The following COL21A1 variants were observed in gnomAD, a reference collection of about 807,000 sequenced individuals.
COL21A1 encodes the protein collagen alpha-1(XXI) chain.
A neutral mutation model predicts 137.9 loss-of-function variants in COL21A1; 149 were observed. That is an observed-to-expected ratio of 1.08 (90% confidence interval 0.95 to 1.24). The LOEUF (loss-of-function observed/expected upper bound fraction) is 1.24. Ranked by LOEUF, COL21A1 falls within the 50% of genes most tolerant of loss-of-function variation. The pLI, the probability that COL21A1 is intolerant of heterozygous loss-of-function variation, is 0.00. For missense variants in COL21A1, 1,167 were observed against 1,158.4 expected (o/e 1.01, Z -0.11); for synonymous variants, 456 against 391.5 (o/e 1.16, Z -1.95).
At chr6:56,301,600 C>T (rs963824075) in intron 1 of COL21A1, among the ~76,000 whole-genome samples, 3 of 152,228 alleles carry the variant, frequency 2.0e-5, no homozygotes, top group Admixed American at 2.0e-4. Flanking sequence ...ACAGTTTTCT[C>T]AAAGGGAAGA....
intron 1 of COL21A1, among the ~76,000 whole-genome samples, chr6:56,279,686 C>A (rs556486947): frequency 1.4e-3 from 216 of 152,288 alleles, no homozygotes; most frequent in African/African-American, 5.1e-3. Context: ...AAGTGAGGTG[C>A]TTAAATGAGT....
chr6:56,067,371 T>C (rs1766359560), intron 22 of COL21A1, 41 bp from the exon 23 acceptor site: 1 of 1,537,290 alleles, frequency 6.5e-7, no homozygotes, highest in Non-Finnish European at 8.9e-7. Flanking sequence ...ATCTAGCATA[T>C]TCTGTACAGT....
At chr6:56,116,396 TAAAAAAAAAAAAAAAA>T (rs370697652) in intron 16 of COL21A1, among the ~76,000 whole-genome samples, 6 of 90,834 alleles carry the variant, frequency 6.6e-5, no homozygotes, top group African/African-American at 2.6e-4. Flanking sequence ...GTGCCAAAGG[TAAAAAAAAAAAAAAAA>T]AAAAAAAAAA....
chr6:56,278,387 G>C (rs191066070), intron 1 of COL21A1, among the ~76,000 whole-genome samples: 27 of 152,228 alleles, frequency 1.8e-4, no homozygotes, highest in Admixed American at 1.8e-3. Context: ...GGGGGTTGAA[G>C]AGGAGAGAAA....
intron 9 of COL21A1, among the ~76,000 whole-genome samples, chr6:56,159,301 C>G (rs1776016453): frequency 1.3e-5 from 2 of 150,940 alleles, no homozygotes; most frequent in Non-Finnish European, 2.9e-5. Flanking sequence ...TCATTTATCA[C>G]TTGGATTGAG....
intron 1 of COL21A1, among the ~76,000 whole-genome samples, chr6:56,335,842 T>A (rs532921332): frequency 4.3e-4 from 65 of 152,296 alleles, no homozygotes; most frequent in African/African-American, 1.5e-3. Context: ...ATACCTAGTT[T>A]AATTTCTTCC....
At chr6:56,274,475 C>T (rs1272497132) in intron 1 of COL21A1, among the ~76,000 whole-genome samples, 2 of 152,178 alleles carry the variant, frequency 1.3e-5, no homozygotes, top group East Asian at 3.8e-4. Flanking sequence ...ACTCTAAAGA[C>T]TTTGCCAAAA....
chr6:56,088,017 G>A (rs1449191807), intron 17 of COL21A1, among the ~76,000 whole-genome samples: 2 of 152,110 alleles, frequency 1.3e-5, no homozygotes, highest in East Asian at 3.9e-4. Context: ...TGAAAAAGCT[G>A]GAGAATTGAT....
Position 56,385,258 on chromosome 6 carries a change from C to T in COL21A1, c.-39+8713G>A, listed in dbSNP as rs549820411. ...GAATTACAGGTCTTTTGCTTTGCTT[C>T]GTTTTGTTTGGGCTGCTTAAACAAC... On this transcript the variant is annotated intron_variant, in intron 1 of 28. Coordinates refer to the COL21A1 transcript ENST00000370819. Among the ~76,000 whole-genome samples the T allele has an allele frequency of 6.6e-5, 10 of 152,288 alleles. No individual in the cohort carries two copies. In the South Asian group the frequency reaches 1.5e-3, roughly 22 times the overall value.
intron 16 of COL21A1, among the ~76,000 whole-genome samples, chr6:56,110,734 A>G (rs372476701): frequency 2.0e-5 from 3 of 152,242 alleles, no homozygotes; most frequent in East Asian, 3.9e-4. Context: ...ATGAGTATGA[A>G]GAAATACAAT....
intron 1 of COL21A1, among the ~76,000 whole-genome samples, chr6:56,374,429 A>G (rs1296930971): frequency 6.6e-6 from 1 of 152,222 alleles, no homozygotes; most frequent in Non-Finnish European, 1.5e-5. Flanking sequence ...AAGAAATATG[A>G]TAAGTAAAAG....
intron 3 of COL21A1, among the ~76,000 whole-genome samples, chr6:56,175,754 G>A (rs537919893): frequency 1.3e-5 from 2 of 152,106 alleles, no homozygotes; most frequent in African/African-American, 4.8e-5. Context: ...TCCCAATAAC[G>A]TTTTTTATAG....
At chr6:56,220,054 T>A (rs1269039068) in intron 1 of COL21A1, among the ~76,000 whole-genome samples, 6 of 152,186 alleles carry the variant, frequency 3.9e-5, no homozygotes. Flanking sequence ...TAGACTGTAT[T>A]GGTATATAAT....
intron 1 of COL21A1, among the ~76,000 whole-genome samples, chr6:56,237,517 C>T (rs944000398): frequency 3.3e-5 from 5 of 152,116 alleles, no homozygotes; most frequent in Admixed American, 2.6e-4. Flanking sequence ...TCTAATCTCG[C>T]TTAGGCTCTT....
intron 1 of COL21A1, among the ~76,000 whole-genome samples, chr6:56,305,458 T>G (rs1367028440): frequency 1.3e-5 from 2 of 152,214 alleles, no homozygotes; most frequent in African/African-American, 2.4e-5. Context: ...TAGCTCTTCT[T>G]GTTGAATTGA....
chr6:56,241,327 A>G (rs890615587), intron 1 of COL21A1, among the ~76,000 whole-genome samples: 1 of 152,176 alleles, frequency 6.6e-6, no homozygotes, highest in South Asian at 2.1e-4. Context: ...TCAAAAGCCA[A>G]ATTGGCCGGC....
chr6:56,183,628 C>G (rs1022964490), intron 1 of COL21A1, among the ~76,000 whole-genome samples: 3 of 152,090 alleles, frequency 2.0e-5, no homozygotes, highest in Admixed American at 2.0e-4. Flanking sequence ...CTCCAGGTAC[C>G]CAGAGACTTC....
At chr6:56,338,431 C>CTCCA (rs146904123) in intron 1 of COL21A1, among the ~76,000 whole-genome samples, 7,853 of 152,194 alleles carry the variant, frequency 0.052, 260 homozygotes, top group South Asian at 0.081. Flanking sequence ...TGGAGATAGG[C>CTCCA]TCCACCCTGA....
chr6:56,361,567 G>A (rs933576980), intron 1 of COL21A1, among the ~76,000 whole-genome samples: 1 of 152,116 alleles, frequency 6.6e-6, no homozygotes. Context: ...GTTACTACAG[G>A]AAGATAAAGA....
Sources: allele counts gnomAD v4.1 joint callset (sites outside exome capture counted in the v4.1 genomes callset), GRCh38; gene constraint gnomAD v4.1.1; transcripts MANE v1.5; gene names NCBI Gene and HGNC (gene_info 2026-07-23, HGNC 2026-07-21).